SH3TC1: variants seen among roughly 807,000 people sequenced by gnomAD.
The protein encoded by SH3TC1 is SH3 domain and tetratricopeptide repeats 1.
In SH3TC1, 135 loss-of-function variants were observed where a neutral mutation model predicts 117.3. The ratio of observed to expected loss-of-function variants is 1.15; its 90% CI spans 1.00 to 1.33. SH3TC1 has a LOEUF of 1.33. Among genes scored for constraint, SH3TC1 ranks in the 40% most tolerant of loss-of-function variants. SH3TC1 has a pLI of 0.00. For synonymous variants in SH3TC1, 898 were observed against 816.9 expected (o/e 1.10, Z -1.69); for missense variants, 2,092 against 1,794.3 (o/e 1.17, Z -3.00).
In SH3TC1 at chr4:8,183,677, G is replaced by A. The variant is rs903610070; in HGVS notation, c.-57+1467G>A. The stretch of plus-strand genomic sequence containing the variant: ...CAGGAAGACAGTTCAGAGAGTTCTC[G>A]TAAAACCCCACCCAGCGGCCTCTAT... On this transcript the variant is annotated intron_variant, in intron 1 of 16. Transcript: ENST00000508641. The surrounding 1 kb of genome is among the most constrained non-coding windows in gnomAD (Gnocchi z 5.4). Among the ~76,000 whole-genome samples, 3 of 152,152 alleles carry A rather than the reference G, an allele frequency of 2.0e-5. No homozygotes were observed. Among genetic ancestry groups the A allele is most frequent in the African/African-American group, 2.4e-5 (1 of 41,434 alleles).
intron 13 of SH3TC1, chr4:8,233,157 C>T: frequency 1.4e-6 from 2 of 1,385,928 alleles, no homozygotes; most frequent in South Asian, 3.3e-5. Context: ...ATGCCCAGTT[C>T]CCTCAGAAGG....
Position 8,233,490 on chromosome 4 carries a change from G to T in SH3TC1, c.3259G>T (p.Glu1087Ter). The T allele has an allele frequency of 6.2e-7, 1 of 1,612,380 alleles. No homozygotes were observed. Among genetic ancestry groups the T allele is most frequent in the Non-Finnish European group, 8.5e-7 (1 of 1,179,234 alleles). The change falls in exon 14 of 18, where the codon GAG (glutamate) becomes TAG (stop). Residue 1087 changes from glutamate (E) to a stop codon, truncating the protein, a stop_gained. Coordinates refer to ENST00000245105, the MANE Select transcript of SH3TC1 (RefSeq NM_018986.5). LOFTEE classifies it high-confidence loss of function. Reference protein sequence around the residue: ...GKIYYILRQSELVDLYIQVAQ... With the variant: ...GKIYYILRQS ...GATCTATTACATCTTGCGGCAGAGC[G>T]AGCTGGTGGACCTCTACATCCAGGT...
chr4:8,182,767 A>G (rs1460193566), intron 1 of SH3TC1, among the ~76,000 whole-genome samples: 1 of 152,148 alleles, frequency 6.6e-6, no homozygotes, highest in African/African-American at 2.4e-5. Context: ...GCGGGCCCAG[A>G]GTCAGTCTTC....
At chr4:8,239,897 T>C (rs1205250659) in intron 17 of SH3TC1, among the ~76,000 whole-genome samples, 1 of 152,142 alleles carries the variant, frequency 6.6e-6, no homozygotes, top group East Asian at 1.9e-4. Context: ...GGGCGTTGGA[T>C]GAGCAGTGAT....
chr4:8,198,030 A>C (rs1717619089), upstream of SH3TC1, among the ~76,000 whole-genome samples: 1 of 152,122 alleles, frequency 6.6e-6, no homozygotes, highest in Non-Finnish European at 1.5e-5. Flanking sequence ...TGCTATGATT[A>C]GAGGAGGGGG....
rs777007783 is a variant in SH3TC1, at chr4:8,241,022, G to A, written c.*67G>A. On this transcript the variant is annotated 3_prime_UTR_variant, in exon 18 of 18. Coordinates refer to ENST00000245105, the MANE Select transcript of SH3TC1 (RefSeq NM_018986.5). ...GTCTCCTGCCTCTCCTGGTGTCGCC[G>A]GTGGCTCATTTTCTGGCAAATGGAG... 775 of 1,567,056 alleles carry A rather than the reference G, an allele frequency of 4.9e-4. No individual in the cohort carries two copies. Among genetic ancestry groups the A allele is most frequent in the Non-Finnish European group, 6.3e-4 (726 of 1,159,772 alleles).
intron 1 of SH3TC1, among the ~76,000 whole-genome samples, chr4:8,200,496 G>A (rs1203482711): frequency 6.6e-6 from 1 of 152,240 alleles, no homozygotes; most frequent in African/African-American, 2.4e-5. Flanking sequence ...TTATGTGACT[G>A]TCAACACTGT....
At chr4:8,204,018 G>T (rs943511546) in intron 1 of SH3TC1, among the ~76,000 whole-genome samples, 2 of 152,226 alleles carry the variant, frequency 1.3e-5, no homozygotes, top group Non-Finnish European at 2.9e-5. Context: ...CCCGGACGGA[G>T]GCCCTGGCAA....
At chr4:8,212,594 C>T (rs1718843808) in intron 3 of SH3TC1, 107 bp from the exon 4 acceptor site, 3 of 1,499,994 alleles carry the variant, frequency 2.0e-6, no homozygotes, top group Non-Finnish European at 2.7e-6. Flanking sequence ...CTGCCCAGGC[C>T]TTCGGGGTCA....
chr4:8,223,888 G>T (rs59845806), intron 10 of SH3TC1, among the ~76,000 whole-genome samples: 3,544 of 152,256 alleles, frequency 0.023, 126 homozygotes, highest in African/African-American at 0.081. Context: ...GCCAGCCTCA[G>T]CCTCCCAAAG....
chr4:8,205,941 C>T lies in SH3TC1; in HGVS notation c.172+575C>T, dbSNP rs905727300. 25 of 468,526 alleles carry T rather than the reference C, an allele frequency of 5.3e-5. 1 individual carries two copies. In the Admixed American group the frequency reaches 7.6e-4, roughly 14 times the overall value. The allele number at this position is 468,526 out of a possible 1,614,324, so 29.0% of individuals were successfully genotyped here. ...GCAGGGGAGACCAAGGCCTGCACGGCCCCTCCCGGCAGGAGACAGCTGCGG... is the reference window on the plus strand; with the variant it reads ...GCAGGGGAGACCAAGGCCTGCACGGTCCCTCCCGGCAGGAGACAGCTGCGG... On this transcript the variant is annotated intron_variant, in intron 2 of 17. Coordinates refer to ENST00000245105, the MANE Select transcript of SH3TC1 (RefSeq NM_018986.5). The surrounding 1 kb of genome is among the most constrained non-coding windows in gnomAD (Gnocchi z 5.4).
At position 8,228,646 on chromosome 4, in the gene SH3TC1, T is replaced by G. The variant is rs1262552852; in HGVS notation, c.2950+2T>G. ...CCGTGGAGATGGGCCACGTGGAGAG[T>G]GAGTGCCCCAGTTCCTTCTGTGTGC... On this transcript the variant is annotated splice_donor_variant, in intron 12 of 17. Coordinates refer to ENST00000245105, the MANE Select transcript of SH3TC1 (RefSeq NM_018986.5). LOFTEE classifies it high-confidence loss of function. 2.0e-6 allele frequency: 3 copies of G among 1,485,850 alleles called. No homozygotes were observed. Among genetic ancestry groups the G allele is most frequent in the Non-Finnish European group, 2.7e-6 (3 of 1,119,428 alleles). The allele number at this position is 1,485,850 out of a possible 1,614,324, so 92.0% of individuals were successfully genotyped here.
At position 8,192,113 on chromosome 4, in the gene SH3TC1, C is replaced by T. The variant is rs1365229860; in HGVS notation, c.-57+9903C>T. Among the ~76,000 whole-genome samples, 1 of 151,944 alleles carries T rather than the reference C, an allele frequency of 6.6e-6. No homozygotes were observed. Among genetic ancestry groups the T allele is most frequent in the Non-Finnish European group, 1.5e-5 (1 of 67,996 alleles). On this transcript the variant is annotated intron_variant, in intron 1 of 16. Transcript: ENST00000508641. The surrounding 1 kb of genome is among the most constrained non-coding windows in gnomAD (Gnocchi z 4.1). ...CAAGTGATTCTCTCACCTCTGCCTC[C>T]CAAGTAGCTAAGATTACAGGCACCT...
Position 8,190,922 on chromosome 4 carries a change from G to A in SH3TC1, c.-57+8712G>A, listed in dbSNP as rs1253290945. Among the ~76,000 whole-genome samples, 3 of 149,532 alleles carry A rather than the reference G, an allele frequency of 2.0e-5. No homozygotes were observed. Among genetic ancestry groups the A allele is most frequent in the South Asian group, 2.1e-4 (1 of 4,796 alleles). On this transcript the variant is annotated intron_variant, in intron 1 of 16. Transcript: ENST00000508641. The surrounding 1 kb of genome is among the most constrained non-coding windows in gnomAD (Gnocchi z 4.7). ...CTCCTAAAGTGCTAGGATTACAGGC[G>A]TAATCCACTGCGCCCAGCCCTGGCT...
Position 8,206,833 on chromosome 4 carries a change from G to A in SH3TC1, c.172+1467G>A, listed in dbSNP as rs1325103902. Among the ~76,000 whole-genome samples, 2 of 51,796 alleles carry A rather than the reference G, an allele frequency of 3.9e-5. No individual in the cohort carries two copies. The highest frequency in any genetic ancestry group is 9.4e-5 in the African/African-American group (1 of 10,586). The allele number at this position is 51,796 out of a possible 152,430, so 34.0% of individuals were successfully genotyped here. A position where few individuals can be genotyped will look rare whatever the true frequency, so the allele number is the denominator to read the frequency against. The stretch of plus-strand genomic sequence containing the variant: ...GGACTTTTACTTTGTGTGTGTACTC[G>A]TGTGTGTGTGTGTGTGTGTGTGTGT... On this transcript the variant is annotated intron_variant, in intron 2 of 17. Transcript: ENST00000245105. This position sits in a 1 kb window ranked among gnomAD's most constrained non-coding sequence, Gnocchi z 5.5.
intron 2 of SH3TC1, among the ~76,000 whole-genome samples, chr4:8,208,191 G>A (rs944718205): frequency 6.6e-6 from 1 of 152,214 alleles, no homozygotes; most frequent in African/African-American, 2.4e-5. Flanking sequence ...TCTTCAGACA[G>A]GGAGTGAATC....
intron 7 of SH3TC1, 69 bp downstream of exon 7, chr4:8,217,236 G>A: frequency 6.5e-7 from 1 of 1,533,548 alleles, no homozygotes; most frequent in Non-Finnish European, 8.8e-7. Flanking sequence ...GGGTCATCTG[G>A]AGGTCAAGGG....
In SH3TC1 at chr4:8,219,473, C is replaced by T. The variant is rs141671122; in HGVS notation, c.1055C>T (p.Ser352Leu). 2,091 of 1,603,264 alleles carry T rather than the reference C, an allele frequency of 1.3e-3. 6 individuals are homozygous for T. The highest frequency in any genetic ancestry group is 2.2e-3 in the South Asian group (202 of 90,276). ...LPWCVGRHAASGRVGFVRSSL... is the reference protein window; with the variant it reads ...LPWCVGRHAALGRVGFVRSSL... ...TGGTGCGTGGGCCGACACGCAGCCT[C>T]GGGCCGGGTGGGGTTTGTGCGGAGC... The change falls in exon 9 of 18, where the codon TCG becomes TTG. Residue 352 changes from serine to leucine, a missense_variant. Ser to Leu is a moderately radical substitution (Grantham distance 145, BLOSUM62 -2). Coordinates refer to ENST00000245105, the MANE Select transcript of SH3TC1 (RefSeq NM_018986.5).
chr4:8,209,244 G>C lies in SH3TC1; in HGVS notation c.173-504G>C, dbSNP rs529932094. Among the ~76,000 whole-genome samples, 9 of 152,370 alleles carry C rather than the reference G, an allele frequency of 5.9e-5. No homozygotes were observed. The highest frequency in any genetic ancestry group is 2.2e-4 in the African/African-American group (9 of 41,590). On this transcript the variant is annotated intron_variant, in intron 2 of 17. Coordinates refer to ENST00000245105, the MANE Select transcript of SH3TC1 (RefSeq NM_018986.5). This position sits in a 1 kb window ranked among gnomAD's most constrained non-coding sequence, Gnocchi z 5.9. ...GATCAAAGGCAAGGATCTCGAGATG[G>C]AGAGATGATCCCGGATGCTCCAGTG...
Sources: allele counts gnomAD v4.1 joint callset (sites outside exome capture counted in the v4.1 genomes callset), GRCh38; gene constraint gnomAD v4.1.1; non-coding constraint Gnocchi (gnomAD v3.1); transcripts MANE v1.5; gene names NCBI Gene and HGNC (gene_info 2026-07-23, HGNC 2026-07-21).